KCNMB4: variants seen among roughly 807,000 people sequenced by gnomAD.
The protein encoded by KCNMB4 is potassium calcium-activated channel subfamily M regulatory beta subunit 4.
In KCNMB4, 3 loss-of-function variants were observed where a neutral mutation model predicts 20.7. That is an observed-to-expected ratio of 0.14 (90% CI 0.07 to 0.37). The LOEUF is 0.37. Ranked by LOEUF, KCNMB4 falls within the 10% of genes least tolerant of loss-of-function variation. The pLI is 1.00. For synonymous variants in KCNMB4, 110 were observed against 113.4 expected (o/e 0.97, Z 0.19); for missense variants, 168 against 265.9 (o/e 0.63, Z 2.56).
intron 2 of KCNMB4, among the ~76,000 whole-genome samples, chr12:70,419,680 T>C (rs566212320): frequency 8.5e-5 from 13 of 152,128 alleles, no homozygotes; most frequent in Non-Finnish European, 1.5e-4. Flanking sequence ...CATTGTATCA[T>C]AAAAGAACTG....
chr12:70,394,551 T>G (rs1228417635), intron 1 of KCNMB4, among the ~76,000 whole-genome samples: 1 of 152,222 alleles, frequency 6.6e-6, no homozygotes, highest in Non-Finnish European at 1.5e-5. Context: ...ACATATAATT[T>G]CGTATATATT....
chr12:70,431,550 T>C lies in KCNMB4; in HGVS notation c.*897T>C, dbSNP rs1869365477. 1 of 151,510 alleles carries C rather than the reference T, an allele frequency of 6.6e-6. No individual in the cohort carries two copies. The highest frequency in any genetic ancestry group is 2.4e-5 in the African/African-American group (1 of 41,228). 9.4% of individuals were successfully genotyped at this position (151,510 alleles called of 1,614,324 possible). ...GGTCAGAAAAAAACAACAAAATCAG[T>C]TCAAGCATTTTTTTTTCTTTGTCCT... On this transcript the variant is annotated 3_prime_UTR_variant, in exon 3 of 3. Coordinates refer to ENST00000258111, the MANE Select transcript of KCNMB4 (RefSeq NM_014505.6).
In KCNMB4 at chr12:70,430,745, T is replaced by C; in HGVS notation, c.*92T>C. ...AACCTGTGTTTCCTGGCGCAGGAGA[T>C]GGACAGGGCCACGACAGGGCTCTGA... On this transcript the variant is annotated 3_prime_UTR_variant, in exon 3 of 3. Coordinates refer to ENST00000258111, the MANE Select transcript of KCNMB4 (RefSeq NM_014505.6). 1.5e-6 allele frequency: 2 copies of C among 1,291,932 alleles called. No individual in the cohort carries two copies. Among genetic ancestry groups the C allele is most frequent in the South Asian group, 1.6e-5 (1 of 62,292 alleles). The allele number at this position is 1,291,932 out of a possible 1,614,324, so 80.0% of individuals were successfully genotyped here. A position where few individuals can be genotyped will look rare whatever the true frequency, so the allele number is the denominator to read the frequency against.
At chr12:70,407,201 C>T (rs1310078403) in intron 2 of KCNMB4, among the ~76,000 whole-genome samples, 1 of 152,138 alleles carries the variant, frequency 6.6e-6, no homozygotes, top group Non-Finnish European at 1.5e-5. Context: ...ACACTACTTA[C>T]TATTCCAGTT....
At chr12:70,407,654 A>G (rs1335877605) in intron 2 of KCNMB4, among the ~76,000 whole-genome samples, 7 of 150,458 alleles carry the variant, frequency 4.7e-5, no homozygotes, top group South Asian at 2.1e-4. Flanking sequence ...TTTTTAGTAG[A>G]GACGGGGTTT....
intron 1 of KCNMB4, among the ~76,000 whole-genome samples, chr12:70,380,777 G>A (rs1232415212): frequency 1.3e-5 from 2 of 152,140 alleles, no homozygotes; most frequent in African/African-American, 4.8e-5. Flanking sequence ...ACATGCCAAG[G>A]AATGAAGTTG....
intron 1 of KCNMB4, among the ~76,000 whole-genome samples, chr12:70,379,617 A>G (rs1603221): frequency 0.24 from 36,378 of 152,038 alleles, 4,792 homozygotes; most frequent in East Asian, 0.5. Context: ...GGGTTTGGCC[A>G]TGTTTCCCAG....
chr12:70,381,354 T>G (rs1883783098), intron 1 of KCNMB4, among the ~76,000 whole-genome samples: 1 of 152,166 alleles, frequency 6.6e-6, no homozygotes, highest in African/African-American at 2.4e-5. Context: ...ACAGTTGCCA[T>G]GTGACCAAGC....
intron 2 of KCNMB4, among the ~76,000 whole-genome samples, chr12:70,427,973 C>G (rs1409258590): frequency 6.6e-6 from 1 of 152,060 alleles, no homozygotes; most frequent in African/African-American, 2.4e-5. Flanking sequence ...GTTAAAAAAT[C>G]CAAGTCCCTC....
chr12:70,405,510 A>G (rs1208880348), intron 2 of KCNMB4, among the ~76,000 whole-genome samples: 6 of 152,228 alleles, frequency 3.9e-5, no homozygotes, highest in Admixed American at 6.5e-5. Context: ...GATACGGACA[A>G]ATTGGAACCC....
At chr12:70,413,326 A>C (rs1868832922) in intron 2 of KCNMB4, among the ~76,000 whole-genome samples, 1 of 152,212 alleles carries the variant, frequency 6.6e-6, no homozygotes, top group Admixed American at 6.5e-5. Flanking sequence ...TGATGTTATT[A>C]AATCACTTTT....
chr12:70,398,770 A>C (rs1212512538), intron 1 of KCNMB4, among the ~76,000 whole-genome samples: 1 of 152,246 alleles, frequency 6.6e-6, no homozygotes, highest in East Asian at 1.9e-4. Context: ...GAAAATATAG[A>C]AAAGACAGAA....
intron 2 of KCNMB4, among the ~76,000 whole-genome samples, chr12:70,422,002 G>A (rs1377792996): frequency 6.6e-6 from 1 of 151,608 alleles, no homozygotes; most frequent in Non-Finnish European, 1.5e-5. Flanking sequence ...ATGAGGAGCC[G>A]CTGTTTTTTT....
At chr12:70,423,801 T>C (rs1400043574) in intron 2 of KCNMB4, among the ~76,000 whole-genome samples, 1 of 152,130 alleles carries the variant, frequency 6.6e-6, no homozygotes, top group Non-Finnish European at 1.5e-5. Flanking sequence ...AAAGCCCTTA[T>C]CACAATATCA....
intron 1 of KCNMB4, among the ~76,000 whole-genome samples, chr12:70,397,416 A>G (rs1868363977): frequency 6.6e-6 from 1 of 152,200 alleles, no homozygotes; most frequent in African/African-American, 2.4e-5. Flanking sequence ...AGTATAGATC[A>G]CTTAATCTAT....
intron 1 of KCNMB4, among the ~76,000 whole-genome samples, chr12:70,374,438 C>T (rs1471265950): frequency 6.6e-6 from 1 of 152,090 alleles, no homozygotes; most frequent in African/African-American, 2.4e-5. Context: ...AAATACTGAA[C>T]AGAATAGTTT....
chr12:70,379,763 A>G (rs929830463), intron 1 of KCNMB4, among the ~76,000 whole-genome samples: 3 of 152,164 alleles, frequency 2.0e-5, no homozygotes, highest in African/African-American at 4.8e-5. Flanking sequence ...AACCTCATGA[A>G]TGAACCTCTG....
At chr12:70,393,383 A>G (rs1868317866) in intron 1 of KCNMB4, among the ~76,000 whole-genome samples, 1 of 151,874 alleles carries the variant, frequency 6.6e-6, no homozygotes, top group African/African-American at 2.4e-5. Context: ...TTGTTGTTTT[A>G]GTAGAGAAGG....
At chr12:70,415,784 T>G (rs1380701837) in intron 2 of KCNMB4, among the ~76,000 whole-genome samples, 1 of 151,140 alleles carries the variant, frequency 6.6e-6, no homozygotes, top group Non-Finnish European at 1.5e-5. Flanking sequence ...ATTTCAACAG[T>G]AAGCCAACAA....
Sources: gnomAD v4.1 joint callset for allele counts (sites outside exome capture counted in the v4.1 genomes callset) on GRCh38, gnomAD v4.1.1 for gene constraint, MANE v1.5 for transcripts, NCBI Gene and HGNC (gene_info 2026-07-23, HGNC 2026-07-21) for gene names.